EPHB2: variants seen among roughly 807,000 people sequenced by gnomAD.
EPHB2 encodes EPH receptor B2, also known as ephrin type-B receptor 2.
EPHB2 carries 18 observed loss-of-function variants against 96.4 expected under a neutral mutation model. The observed-to-expected ratio is 0.19, with a 90% CI of 0.13 to 0.28. The LOEUF is 0.28. Ranked by LOEUF, EPHB2 falls within the 10% of genes least tolerant of loss-of-function variation. The pLI, the probability that EPHB2 is intolerant of heterozygous loss-of-function variation, is 1.00. For missense variants in EPHB2, 989 were observed against 1,355.4 expected (o/e 0.73, Z 4.25); for synonymous variants, 506 against 534.1 (o/e 0.95, Z 0.72).
At position 22,790,196 on chromosome 1, in the gene EPHB2, G is replaced by A. The variant is rs141320351; in HGVS notation, c.811+5120G>A. On this transcript the variant is annotated intron_variant, in intron 3 of 15. Transcript: ENST00000374630. This position sits in a 1 kb window ranked among gnomAD's most constrained non-coding sequence, Gnocchi z 4.0. ...GGCAGAGAGAACTATACGAATAAAG[G>A]CCCCAAGGTGTGACAGTACAAGGCA... Among the ~76,000 whole-genome samples, 1 of 152,254 alleles carries A rather than the reference G, an allele frequency of 6.6e-6. No homozygotes were observed. The highest frequency in any genetic ancestry group is 1.9e-4 in the East Asian group (1 of 5,180).
intron 3 of EPHB2, 145 bp downstream of exon 3, chr1:22,785,221 C>G (rs755624789): frequency 1.3e-4 from 132 of 1,023,326 alleles, no homozygotes; most frequent in Non-Finnish European, 1.8e-4. Flanking sequence ...AACCAGCAAC[C>G]ATCGTTCAGC....
chr1:22,907,509 T>C (rs1164576306), intron 11 of EPHB2, among the ~76,000 whole-genome samples: 8 of 152,192 alleles, frequency 5.3e-5, no homozygotes, highest in Admixed American at 6.5e-5. Flanking sequence ...AGCACCAGAC[T>C]GGACATCAGA....
intron 3 of EPHB2, among the ~76,000 whole-genome samples, chr1:22,801,767 G>A (rs895177576): frequency 2.6e-5 from 4 of 152,176 alleles, no homozygotes; most frequent in South Asian, 2.1e-4. Flanking sequence ...GCAGCCCCTC[G>A]TGGGGTCCCC....
intron 12 of EPHB2, 110 bp from the exon 13 acceptor site, chr1:22,908,912 G>C (rs561403336): frequency 3.1e-5 from 47 of 1,519,396 alleles, no homozygotes; most frequent in Admixed American, 3.9e-5. Context: ...GGGGCACAAT[G>C]AGGTGCCTCA....
At chr1:22,751,988 A>C (rs1644070411) in intron 1 of EPHB2, among the ~76,000 whole-genome samples, 1 of 152,230 alleles carries the variant, frequency 6.6e-6, no homozygotes, top group Non-Finnish European at 1.5e-5. Flanking sequence ...CAGTGACACC[A>C]GTCACAGGCT....
chr1:22,883,195 G>A (rs1158869856), intron 6 of EPHB2, among the ~76,000 whole-genome samples: 1 of 152,210 alleles, frequency 6.6e-6, no homozygotes, highest in Non-Finnish European at 1.5e-5. Context: ...AGCTATGCAG[G>A]TTACGGAGAA....
intron 1 of EPHB2, among the ~76,000 whole-genome samples, chr1:22,759,584 T>A (rs1164042236): frequency 6.6e-6 from 1 of 152,130 alleles, no homozygotes; most frequent in Non-Finnish European, 1.5e-5. Flanking sequence ...GAAGGGGCCT[T>A]GCAAACTGTT....
In EPHB2 at chr1:22,895,569, C is replaced by T. The variant is rs35847739; in HGVS notation, c.1689C>T (p.Ile563=). Residue 563 remains isoleucine, a synonymous_variant, in exon 8 of 16, where the codon ATC becomes ATT. Transcript: ENST00000374630. ...VFLIAVVVIA[I]VCNRRGFERA... ...TCATTGCTGTGGTTGTCATCGCCAT[C>T]GTGTGTAACAGGTGGGTGGGGTCTC... 8.1e-6 allele frequency: 13 copies of T among 1,614,122 alleles called. No individual in the cohort carries two copies. Among genetic ancestry groups the T allele is most frequent in the South Asian group, 2.2e-5 (2 of 91,096 alleles).
intron 1 of EPHB2, among the ~76,000 whole-genome samples, chr1:22,712,582 T>C (rs1363151133): frequency 6.7e-6 from 1 of 149,968 alleles, no homozygotes; most frequent in African/African-American, 2.5e-5. Context: ...AGTCAGGGGG[T>C]GGGGGGTGTC....
intron 3 of EPHB2, among the ~76,000 whole-genome samples, chr1:22,844,085 G>A (rs1201797764): frequency 1.3e-5 from 2 of 152,000 alleles, no homozygotes; most frequent in African/African-American, 4.8e-5. Context: ...CTTTGCTGTT[G>A]TGAATAATGC....
At chr1:22,807,435 T>A (rs541628864) in intron 3 of EPHB2, among the ~76,000 whole-genome samples, 20 of 152,302 alleles carry the variant, frequency 1.3e-4, no homozygotes, top group African/African-American at 4.3e-4. Context: ...GACAAGGACA[T>A]AGCAGAACCA....
Position 22,865,085 on chromosome 1 carries a change from C to A in EPHB2, c.1176C>A (p.Arg392=), listed in dbSNP as rs753994531. ...GCCAGCTAGGCCTGACCGAGCCACG[C>A]ATTTACATCAGTGACCTGCTGGCCC... ...APRQLGLTEP[R]IYISDLLAHT... Residue 392 remains arginine (R), a synonymous_variant, in exon 5 of 16, where the codon CGC becomes CGA. Coordinates refer to ENST00000374630, the MANE Select transcript of EPHB2 (RefSeq NM_017449.5). 9 of 1,614,232 alleles carry A rather than the reference C, an allele frequency of 5.6e-6. No homozygotes were observed. Among genetic ancestry groups the A allele is most frequent in the Non-Finnish European group, 7.6e-6 (9 of 1,180,042 alleles).
rs145284725 is a variant in EPHB2, at chr1:22,870,390, G to A, written c.1303+5178G>A. Among the ~76,000 whole-genome samples the A allele has an allele frequency of 6.2e-3, 937 of 152,232 alleles. 4 individuals are homozygous for A. Among genetic ancestry groups the A allele is most frequent in the African/African-American group, 0.02 (851 of 41,528 alleles). On this transcript the variant is annotated intron_variant, in intron 5 of 15. Transcript: ENST00000374630. ...GAGAGGTCATGCCACATACTCAGGT[G>A]TACTCCGCTGGACAGTGGCAGACCC...
At chr1:22,740,257 T>C (rs1318390477) in intron 1 of EPHB2, among the ~76,000 whole-genome samples, 1 of 152,178 alleles carries the variant, frequency 6.6e-6, no homozygotes, top group Admixed American at 6.5e-5. Context: ...ATTGTTCTTT[T>C]GGGGAGTGTG....
chr1:22,840,143 G>A (rs1417277100), intron 3 of EPHB2, among the ~76,000 whole-genome samples: 2 of 152,146 alleles, frequency 1.3e-5, no homozygotes, highest in South Asian at 2.1e-4. Context: ...CTCTAAGCCT[G>A]TTTTCTCCTT....
intron 3 of EPHB2, among the ~76,000 whole-genome samples, chr1:22,785,987 C>T (rs1320834207): frequency 1.4e-4 from 22 of 152,208 alleles, no homozygotes; most frequent in Admixed American, 1.4e-3. Context: ...ACACTGTTAG[C>T]TTAAGGAAAA....
intron 3 of EPHB2, among the ~76,000 whole-genome samples, chr1:22,809,793 A>G (rs2148459748): frequency 6.6e-6 from 1 of 152,366 alleles, no homozygotes; most frequent in Admixed American, 6.5e-5. Flanking sequence ...GAGAAAACCC[A>G]GTGTGTGCTG....
Position 22,895,507 on chromosome 1 carries a change from C to T in EPHB2, c.1627C>T (p.Leu543Phe). The change falls in exon 8 of 16, where the codon CTC becomes TTC. Residue 543 changes from leucine to phenylalanine, a missense_variant. Transcript: ENST00000374630. ...GACAAGCATCCAGGAGAAGTTGCCA[C>T]TCATCATCGGCTCCTCGGCCGCTGG... is the stretch of plus-strand genomic sequence containing the variant. ...YQTSIQEKLP[L>F]IIGSSAAGLV... 1 of 1,614,266 alleles carries T rather than the reference C, an allele frequency of 6.2e-7. No homozygotes were observed. Among genetic ancestry groups the T allele is most frequent in the East Asian group, 2.2e-5 (1 of 44,894 alleles).
rs553043529 is a variant in EPHB2, at chr1:22,824,119, A to T, written c.812-38918A>T. Among the ~76,000 whole-genome samples the T allele has an allele frequency of 5.9e-5, 9 of 152,274 alleles. No individual in the cohort carries two copies. In the East Asian group the frequency reaches 1.7e-3, roughly 29 times the overall value. On this transcript the variant is annotated intron_variant, in intron 3 of 15. Transcript: ENST00000374630. ...AACTTAAGTATTTGGGAGGGGCTGGATAGGTAGGTAGGTTTTTTATAAAAT... is the reference window on the plus strand; with the variant it reads ...AACTTAAGTATTTGGGAGGGGCTGGTTAGGTAGGTAGGTTTTTTATAAAAT...
Sources: gnomAD v4.1 joint callset for allele counts (sites outside exome capture counted in the v4.1 genomes callset) on GRCh38, gnomAD v4.1.1 for gene constraint, Gnocchi (gnomAD v3.1) non-coding constraint, MANE v1.5 for transcripts, NCBI Gene and HGNC (gene_info 2026-07-23, HGNC 2026-07-21) for gene names.